The following TNPO3 variants were observed in gnomAD, a reference collection of about 807,000 sequenced individuals.
The protein encoded by TNPO3 is transportin 3, also known as transportin-3.
A neutral mutation model predicts 122.8 loss-of-function variants in TNPO3; 65 were observed. That is an observed-to-expected ratio of 0.53 (90% confidence interval 0.43 to 0.65). The LOEUF (loss-of-function observed/expected upper bound fraction) is 0.65, where lower values mean the gene tolerates loss of function less well. TNPO3 is among the 30% of genes least tolerant of loss of function. The probability of loss-of-function intolerance (pLI) is 0.00; values close to 1 mark genes in which losing one functional copy is unlikely to be tolerated. For synonymous variants in TNPO3, 372 were observed against 411.2 expected (o/e 0.90, Z 1.15); for missense variants, 850 against 1,136.7 (o/e 0.75, Z 3.63).
intron 1 of TNPO3, among the ~76,000 whole-genome samples, chr7:129,025,216 G>C (rs188960287): frequency 1.3e-5 from 2 of 150,714 alleles, no homozygotes; most frequent in African/African-American, 2.4e-5. Flanking sequence ...CGGGCGTGGT[G>C]GTGGGTGCCT....
intron 4 of TNPO3, among the ~76,000 whole-genome samples, chr7:129,006,212 C>T (rs1025970440): frequency 6.6e-6 from 1 of 152,178 alleles, no homozygotes; most frequent in Non-Finnish European, 1.5e-5. Flanking sequence ...TACAGACTTA[C>T]CCAAGTTGTT....
intron 21 of TNPO3, among the ~76,000 whole-genome samples, chr7:128,960,581 A>AG (rs1563084811): frequency 6.6e-6 from 1 of 151,814 alleles, no homozygotes; most frequent in Non-Finnish European, 1.5e-5. Flanking sequence ...CTAAAAAAAA[A>AG]AAATAAAGTA....
chr7:129,049,821 C>G (rs1050139984), intron 1 of TNPO3, among the ~76,000 whole-genome samples: 1 of 151,880 alleles, frequency 6.6e-6, no homozygotes, highest in Non-Finnish European at 1.5e-5. Context: ...GAGGATGAGA[C>G]GAGAATAGGG....
At chr7:128,976,010 A>T in intron 16 of TNPO3, 75 bp from the exon 17 acceptor site, 5 of 973,726 alleles carry the variant, frequency 5.1e-6, no homozygotes, top group Non-Finnish European at 8.3e-6. Flanking sequence ...GTCTCCAGGA[A>T]GAAATTCAGA....
In TNPO3 at chr7:128,984,183, A is replaced by C. The variant is rs1272888220; in HGVS notation, c.1767T>G (p.Val589=). 1 of 1,609,550 alleles carries C rather than the reference A, an allele frequency of 6.2e-7. No homozygotes were observed. ...TTGGACTTACCTTTTTCAATGCCATAACCTGAACAGAACATAGTTCACTAA... is the reference window on the plus strand; with the variant it reads ...TTGGACTTACCTTTTTCAATGCCATCACCTGAACAGAACATAGTTCACTAA... The part of the protein sequence containing the change: ...ECLSELCSVQ[V]MALKKLLSQE... Residue 589 remains valine, a synonymous_variant, in exon 13 of 23, where the codon GTT becomes GTG. Transcript: ENST00000265388.
At chr7:128,983,420 A>G (rs966884575) in intron 13 of TNPO3, among the ~76,000 whole-genome samples, 2 of 151,920 alleles carry the variant, frequency 1.3e-5, no homozygotes, top group African/African-American at 4.8e-5. Context: ...TGTTGGTCAG[A>G]CTCTAACTCC....
At position 129,050,048 on chromosome 7, in the gene TNPO3, A is replaced by AC. The variant is rs564639339; in HGVS notation, c.120+4602dup. On this transcript the variant is annotated intron_variant, in intron 1 of 22. Transcript: ENST00000265388. Reference sequence around the variant, plus strand: ...GGTCCAACCTGGGCAATATAGCGAGACCCCAACTTTTCTTTTCTTTTTTTT... The same window carrying AC: ...GGTCCAACCTGGGCAATATAGCGAGACCCCCAACTTTTCTTTTCTTTTTTTT... Among the ~76,000 whole-genome samples, 100 of 152,110 alleles carry AC rather than the reference A, an allele frequency of 6.6e-4. 4 individuals carry two copies. The East Asian group carries it at 0.019, about 28-fold the overall frequency.
At chr7:129,014,602 T>C (rs73240324) in intron 4 of TNPO3, among the ~76,000 whole-genome samples, 41,170 of 152,138 alleles carry the variant, frequency 0.27, 6,420 homozygotes, top group Middle Eastern at 0.38. Context: ...GGATCCTTTC[T>C]TAGTAAAGTA....
intron 11 of TNPO3, 25 bp from the exon 12 acceptor site, chr7:128,986,945 T>C: frequency 1.3e-6 from 2 of 1,564,450 alleles, no homozygotes; most frequent in African/African-American, 2.8e-5. Context: ...CAAGCAGAGA[T>C]TACATATCTG....
chr7:129,001,328 C>A (rs192657424), intron 5 of TNPO3, 94 bp from the exon 6 acceptor site: 5 of 998,552 alleles, frequency 5.0e-6, no homozygotes, highest in Non-Finnish European at 7.1e-6. Context: ...AATCAACCAT[C>A]GATAGAAAAT....
Position 128,974,760 on chromosome 7 carries a change from T to G in TNPO3, c.2273+108A>C. 7 of 895,460 alleles carry G rather than the reference T, an allele frequency of 7.8e-6. No individual in the cohort carries two copies. In the South Asian group the frequency reaches 1.0e-4, roughly 13 times the overall value. 55.5% of individuals were successfully genotyped at this position (895,460 alleles called of 1,614,324 possible). On this transcript the variant is annotated intron_variant, in intron 18 of 22. Transcript: ENST00000265388. ...TTGGGTTATGAATCATTAATCTACTTACTCCAGTGACTTCATTTTACAAGA... is the reference window on the plus strand; with the variant it reads ...TTGGGTTATGAATCATTAATCTACTGACTCCAGTGACTTCATTTTACAAGA...
chr7:129,018,252 A>G, intron 1 of TNPO3, 95 bp from the exon 2 acceptor site: 1 of 1,265,316 alleles, frequency 7.9e-7, no homozygotes, highest in East Asian at 2.5e-5. Flanking sequence ...TTTAGCCCAA[A>G]GTATAAAGAA....
rs1802416900 is a variant in TNPO3, at chr7:129,005,077, C to T, written c.635G>A (p.Gly212Glu). Residue 212 changes from glycine to glutamate, a missense_variant, in exon 5 of 23, where the codon GGA becomes GAA. By Grantham distance (98) the Gly-to-Glu change is moderately conservative. Transcript: ENST00000265388. ...FRCLGSWFNL[G>E]VLDSNFMANN... ...AGCCATGAAGTTACTGTCCAAAACT[C>T]CCAAGTTAAACCAACTTCCCAAACA... 6.2e-7 allele frequency: 1 copy of T among 1,613,878 alleles called. No homozygotes were observed. The highest frequency in any genetic ancestry group is 1.1e-5 in the South Asian group (1 of 91,080).
chr7:128,994,399 CT>C (rs1801081997), intron 8 of TNPO3, among the ~76,000 whole-genome samples: 2 of 152,100 alleles, frequency 1.3e-5, no homozygotes, highest in Non-Finnish European at 2.9e-5. Flanking sequence ...CTCAAGTCAG[CT>C]GCCCACCTCG....
intron 1 of TNPO3, among the ~76,000 whole-genome samples, chr7:129,025,057 T>TA (rs906878263): frequency 6.7e-6 from 1 of 149,338 alleles, no homozygotes; most frequent in Non-Finnish European, 1.5e-5. Context: ...ATACATTATA[T>TA]AAAAAAACAG....
chr7:129,029,128 G>T, intron 1 of TNPO3: 1 of 219,676 alleles, frequency 4.6e-6, no homozygotes, highest in South Asian at 6.5e-5. Context: ...CCATCATGAA[G>T]ACTCTTGCTG....
intron 4 of TNPO3, 127 bp downstream of exon 4, chr7:129,014,852 A>G: frequency 1.1e-6 from 1 of 897,606 alleles, no homozygotes; most frequent in South Asian, 1.9e-5. Flanking sequence ...AAGGTGTTAC[A>G]TAAATACCAA....
At chr7:128,971,081 A>C (rs1478707404) in intron 19 of TNPO3, 1 of 151,184 alleles carries the variant, frequency 6.6e-6, no homozygotes, top group East Asian at 1.9e-4. Context: ...AGAATTGAAG[A>C]CGTCTATCAG....
Position 128,955,159 on chromosome 7 carries a change from C to A in TNPO3, c.*258G>T. 3.3e-6 allele frequency: 1 copy of A among 305,480 alleles called. No homozygotes were observed. The highest frequency in any genetic ancestry group is 6.4e-6 in the Non-Finnish European group (1 of 155,220). The allele number at this position is 305,480 out of a possible 1,614,324, so 18.9% of individuals were successfully genotyped here. ...GTTCACCAGGAAACCAGCTCCCCTC[C>A]CACCACGCCGGGCAGGCCACAGCCA... On this transcript the variant is annotated 3_prime_UTR_variant, in exon 23 of 23. Coordinates refer to ENST00000265388, the MANE Select transcript of TNPO3 (RefSeq NM_012470.4).
Sources: gnomAD v4.1 joint callset for allele counts (sites outside exome capture counted in the v4.1 genomes callset) on GRCh38, gnomAD v4.1.1 for gene constraint, MANE v1.5 for transcripts, NCBI Gene and HGNC (gene_info 2026-07-23, HGNC 2026-07-21) for gene names.